The following C10orf90 variants were observed in gnomAD, a reference collection of about 807,000 sequenced individuals.
C10orf90 encodes (E2-independent) E3 ubiquitin-conjugating enzyme FATS.
A neutral mutation model predicts 62.5 loss-of-function variants in C10orf90; 56 were observed. The ratio of observed to expected loss-of-function variants is 0.90; its 90% CI spans 0.72 to 1.12. The LOEUF (loss-of-function observed/expected upper bound fraction) is 1.12, where lower values mean the gene tolerates loss of function less well. C10orf90 is among the 50% of genes most tolerant of loss of function. The probability of loss-of-function intolerance (pLI) is 0.00; values close to 1 mark genes in which losing one functional copy is unlikely to be tolerated. For missense variants in C10orf90, 970 were observed against 880.4 expected (o/e 1.10, Z -1.29); for synonymous variants, 386 against 340.4 (o/e 1.13, Z -1.47).
chr10:126,451,855 C>G (rs1859223679), intron 7 of C10orf90, among the ~76,000 whole-genome samples: 1 of 152,050 alleles, frequency 6.6e-6, no homozygotes, highest in South Asian at 2.1e-4. Flanking sequence ...TATGATCTTA[C>G]TTATATGTGA....
intron 4 of C10orf90, among the ~76,000 whole-genome samples, chr10:126,490,047 A>G (rs1305216527): frequency 1.1e-5 from 1 of 91,692 alleles, no homozygotes; most frequent in East Asian, 2.9e-4. Flanking sequence ...TATATATTAT[A>G]TATTATGTTA....
intron 2 of C10orf90, among the ~76,000 whole-genome samples, chr10:126,535,724 C>A (rs1254940590): frequency 2.0e-5 from 3 of 152,128 alleles, no homozygotes; most frequent in Non-Finnish European, 2.9e-5. Context: ...CAGGTGACAG[C>A]GAAGAGCTCT....
intron 2 of C10orf90, among the ~76,000 whole-genome samples, chr10:126,561,331 A>G (rs1864895325): frequency 6.6e-6 from 1 of 152,174 alleles, no homozygotes; most frequent in South Asian, 2.1e-4. Context: ...ATGAAAATTC[A>G]CCACACATTT....
At chr10:126,656,137 G>A (rs1007341407) in intron 1 of C10orf90, among the ~76,000 whole-genome samples, 5 of 152,170 alleles carry the variant, frequency 3.3e-5, no homozygotes, top group African/African-American at 9.7e-5. Flanking sequence ...ACCATGGAGT[G>A]CTTACCAAGG....
rs747523756 is a variant in C10orf90, at chr10:126,456,531, G to C, written c.2188+2509C>G. Among the ~76,000 whole-genome samples, 2 of 152,060 alleles carry C rather than the reference G, an allele frequency of 1.3e-5. No homozygotes were observed. The highest frequency in any genetic ancestry group is 2.9e-5 in the Non-Finnish European group (2 of 68,014). ...GTGAACTTGTAAGGATATTTGTTTC[G>C]GGCAAACACCACAGTTGAATGATAT... On this transcript the variant is annotated intron_variant, in intron 7 of 9. Coordinates refer to ENST00000488181, the MANE Select transcript of C10orf90 (RefSeq NM_001350921.2). This position sits in a 1 kb window ranked among gnomAD's most constrained non-coding sequence, Gnocchi z 4.9.
At position 126,464,672 on chromosome 10, in the gene C10orf90, TCACCCACCACC is replaced by T; in HGVS notation, c.1825+13_1825+23del. The T allele has an allele frequency of 6.3e-7, 1 of 1,582,506 alleles. No homozygotes were observed. The highest frequency in any genetic ancestry group is 8.6e-7 in the Non-Finnish European group (1 of 1,161,080). ...TATCGAATGTCAAGACCAAATGATG[TCACCCACCACC>T]CTCGCTCCTTACCTTTGGGGAACTT... On this transcript the variant is annotated intron_variant, in intron 5 of 9. Coordinates refer to ENST00000488181, the MANE Select transcript of C10orf90 (RefSeq NM_001350921.2).
Position 126,459,094 on chromosome 10 carries a change from G to A in C10orf90, c.2134C>T (p.Leu712Phe). Residue 712 changes from leucine to phenylalanine, a missense_variant, in exon 7 of 10, where the codon CTC (leucine) becomes TTC (phenylalanine). By Grantham distance (22) the Leu-to-Phe change is conservative. Transcript: ENST00000488181. The part of the protein sequence containing the change: ...RKEDLRQKQS[L>F]LPIRTSKKQF... Reference sequence around the variant, plus strand: ...TTCTTGCTGGTGCGGATGGGAAGGAGGCTCTGCTTCTGCCTCAGGTCCTCC... The same window carrying A: ...TTCTTGCTGGTGCGGATGGGAAGGAAGCTCTGCTTCTGCCTCAGGTCCTCC... The A allele has an allele frequency of 6.2e-7, 1 of 1,614,072 alleles. No homozygotes were observed.
intron 7 of C10orf90, among the ~76,000 whole-genome samples, chr10:126,449,310 G>A (rs940144452): frequency 6.6e-6 from 1 of 152,142 alleles, no homozygotes; most frequent in Non-Finnish European, 1.5e-5. Flanking sequence ...AAAAGACACT[G>A]AGAAAACATT....
intron 2 of C10orf90, among the ~76,000 whole-genome samples, chr10:126,522,270 AAAAC>A (rs113351479): frequency 1.3e-5 from 2 of 151,342 alleles, no homozygotes; most frequent in Non-Finnish European, 2.9e-5. Context: ...CTCCATTTCA[AAAAC>A]AAACAAACAA....
intron 2 of C10orf90, among the ~76,000 whole-genome samples, chr10:126,554,857 T>C (rs1445103998): frequency 6.6e-6 from 1 of 152,174 alleles, no homozygotes; most frequent in Non-Finnish European, 1.5e-5. Context: ...CAAGCCAACA[T>C]CAAAACAGAG....
intron 2 of C10orf90, among the ~76,000 whole-genome samples, chr10:126,642,018 T>C (rs1846068173): frequency 6.6e-6 from 1 of 152,168 alleles, no homozygotes; most frequent in African/African-American, 2.4e-5. Flanking sequence ...GATTTCCTGC[T>C]TGGGCTCTAT....
At chr10:126,477,972 G>A (rs556476819) in intron 4 of C10orf90, among the ~76,000 whole-genome samples, 4 of 152,240 alleles carry the variant, frequency 2.6e-5, no homozygotes, top group African/African-American at 7.2e-5. Flanking sequence ...GCTGACTCAC[G>A]CCCCTGGCAG....
chr10:126,529,574 G>A (rs946128540), intron 2 of C10orf90, among the ~76,000 whole-genome samples: 1 of 152,092 alleles, frequency 6.6e-6, no homozygotes, highest in Non-Finnish European at 1.5e-5. Context: ...GACAAAATAG[G>A]CATTTCTCAA....
At chr10:126,490,714 C>G (rs1428249378) in intron 4 of C10orf90, among the ~76,000 whole-genome samples, 4 of 152,076 alleles carry the variant, frequency 2.6e-5, no homozygotes, top group Non-Finnish European at 5.9e-5. Context: ...TAAATTCTCT[C>G]TAAATAGATA....
chr10:126,636,075 T>G (rs554569024), intron 2 of C10orf90, among the ~76,000 whole-genome samples: 6 of 152,298 alleles, frequency 3.9e-5, no homozygotes, highest in Non-Finnish European at 7.4e-5. Context: ...GCATGTGACA[T>G]GAAGCCAGGG....
At chr10:126,576,717 A>ATATT (rs1354426352) in intron 2 of C10orf90, among the ~76,000 whole-genome samples, 6 of 42,150 alleles carry the variant, frequency 1.4e-4, no homozygotes, top group Non-Finnish European at 2.5e-4. Context: ...ATATATATAC[A>ATATT]AGATATACAT....
chr10:126,523,897 A>G (rs548502172), intron 2 of C10orf90, among the ~76,000 whole-genome samples: 126 of 152,360 alleles, frequency 8.3e-4, no homozygotes, highest in African/African-American at 2.9e-3. Context: ...AGCATGTGTC[A>G]GAATTTCCTT....
chr10:126,494,941 C>A (rs1861961946), intron 4 of C10orf90, among the ~76,000 whole-genome samples: 1 of 152,230 alleles, frequency 6.6e-6, no homozygotes, highest in Admixed American at 6.5e-5. Context: ...AGAATCTCCC[C>A]ATTACCCATG....
intron 2 of C10orf90, among the ~76,000 whole-genome samples, chr10:126,629,589 G>T (rs925371103): frequency 6.6e-6 from 1 of 152,162 alleles, no homozygotes; most frequent in Non-Finnish European, 1.5e-5. Context: ...TGACTTGAAA[G>T]GGGGAAAGTT....
Sources: allele counts gnomAD v4.1 joint callset (sites outside exome capture counted in the v4.1 genomes callset), GRCh38; gene constraint gnomAD v4.1.1; non-coding constraint Gnocchi (gnomAD v3.1); transcripts MANE v1.5; gene names NCBI Gene and HGNC (gene_info 2026-07-23, HGNC 2026-07-21).